PLPPR1: variants seen among roughly 807,000 people sequenced by gnomAD.
The protein encoded by PLPPR1 is phospholipid phosphatase-related protein type 1.
Under a neutral mutation model 33.1 loss-of-function variants are expected in PLPPR1, and 10 were observed. The observed-to-expected ratio is 0.30, with a 90% CI of 0.19 to 0.51. PLPPR1 has a LOEUF of 0.51. PLPPR1 is among the 20% of genes least tolerant of loss of function. The probability of loss-of-function intolerance (pLI) is 0.97; values close to 1 mark genes in which losing one functional copy is unlikely to be tolerated. For missense variants in PLPPR1, 304 were observed against 408.1 expected (o/e 0.74, Z 2.20); for synonymous variants, 151 against 151.0 (o/e 1.00, Z 0.00).
intron 3 of PLPPR1, among the ~76,000 whole-genome samples, chr9:101,272,876 A>G (rs912322929): frequency 2.0e-5 from 3 of 152,202 alleles, no homozygotes; most frequent in Non-Finnish European, 4.4e-5. Flanking sequence ...AAGATGTATT[A>G]AGAGCTTAAT....
At position 101,273,678 on chromosome 9, in the gene PLPPR1, G is replaced by T. The variant is rs972508829; in HGVS notation, c.252+3610G>T. 7.9e-5 allele frequency among the ~76,000 whole-genome samples: 12 copies of T among 152,256 alleles called. No individual in the cohort carries two copies. In the East Asian group the frequency reaches 2.3e-3, roughly 29 times the overall value. On this transcript the variant is annotated intron_variant, in intron 3 of 7. Transcript: ENST00000374874. ...TTTATAATTATAAAAGGAATAGAAAGAAAGTAAACATTTTCAACTATTATT... is the reference window on the plus strand; with the variant it reads ...TTTATAATTATAAAAGGAATAGAAATAAAGTAAACATTTTCAACTATTATT...
intron 1 of PLPPR1, among the ~76,000 whole-genome samples, chr9:101,091,879 C>T (rs1349016102): frequency 1.3e-5 from 2 of 152,226 alleles, no homozygotes; most frequent in African/African-American, 4.8e-5. Flanking sequence ...CATCAACTCT[C>T]ACTTGAATTG....
At chr9:101,149,173 C>T (rs193100818) in intron 1 of PLPPR1, among the ~76,000 whole-genome samples, 1 of 152,118 alleles carries the variant, frequency 6.6e-6, no homozygotes, top group Admixed American at 6.5e-5. Context: ...TGGGAAAACA[C>T]TGTTATCAGA....
intron 2 of PLPPR1, among the ~76,000 whole-genome samples, chr9:101,251,154 GC>G (rs1827706323): frequency 6.6e-6 from 1 of 151,952 alleles, no homozygotes; most frequent in Non-Finnish European, 1.5e-5. Flanking sequence ...TAAACCGATA[GC>G]CCCCAAATTT....
intron 2 of PLPPR1, among the ~76,000 whole-genome samples, chr9:101,259,027 TAA>T (rs373726933): frequency 1.2e-3 from 188 of 152,312 alleles, no homozygotes; most frequent in African/African-American, 4.3e-3. Flanking sequence ...CAATTTAGTT[TAA>T]GTTATACCAA....
At chr9:101,311,446 CAACT>C (rs1210118190) in intron 5 of PLPPR1, among the ~76,000 whole-genome samples, 1 of 152,102 alleles carries the variant, frequency 6.6e-6, no homozygotes, top group African/African-American at 2.4e-5. Flanking sequence ...TGAAGAATAC[CAACT>C]AACCATAGGC....
intron 1 of PLPPR1, among the ~76,000 whole-genome samples, chr9:101,123,928 C>T (rs1287238071): frequency 6.6e-6 from 1 of 152,144 alleles, no homozygotes; most frequent in Non-Finnish European, 1.5e-5. Context: ...CCCTGGACCT[C>T]AGACATGTTC....
intron 1 of PLPPR1, among the ~76,000 whole-genome samples, chr9:101,158,787 A>C (rs1478258946): frequency 6.6e-6 from 1 of 152,196 alleles, no homozygotes; most frequent in Admixed American, 6.5e-5. Flanking sequence ...TGCTTCAGGA[A>C]AATAGCTCCA....
At chr9:101,068,633 A>T (rs1043990076) in intron 1 of PLPPR1, among the ~76,000 whole-genome samples, 2 of 152,024 alleles carry the variant, frequency 1.3e-5, no homozygotes, top group African/African-American at 4.8e-5. Context: ...AGTATAAATT[A>T]AAACCTAGCC....
At chr9:101,046,695 G>A (rs533721956) in intron 1 of PLPPR1, among the ~76,000 whole-genome samples, 10 of 151,822 alleles carry the variant, frequency 6.6e-5, no homozygotes, top group South Asian at 2.1e-4. Context: ...CACCTGCCTC[G>A]GCCTCCCAAA....
chr9:101,082,745 G>A (rs1830636384), intron 1 of PLPPR1, among the ~76,000 whole-genome samples: 1 of 152,176 alleles, frequency 6.6e-6, no homozygotes, highest in South Asian at 2.1e-4. Context: ...AAGATCATGG[G>A]CTTTGGGGAG....
chr9:101,094,025 G>GCAT (rs532080870), intron 1 of PLPPR1, among the ~76,000 whole-genome samples: 13 of 152,146 alleles, frequency 8.5e-5, no homozygotes, highest in Middle Eastern at 3.4e-3. Context: ...TTTATCCAGG[G>GCAT]CATCATCATC....
intron 5 of PLPPR1, 77 bp from the exon 6 acceptor site, chr9:101,312,721 T>G: frequency 1.7e-5 from 21 of 1,213,218 alleles, no homozygotes; most frequent in Non-Finnish European, 2.5e-5. Flanking sequence ...TGCTGGTGTA[T>G]GTACCTGCTT....
chr9:101,217,231 A>C (rs1320917157), intron 2 of PLPPR1, among the ~76,000 whole-genome samples: 2 of 152,224 alleles, frequency 1.3e-5, no homozygotes, highest in African/African-American at 4.8e-5. Context: ...ACATTAAAAA[A>C]AATCACTGCC....
At chr9:101,079,420 T>C (rs1588019320) in intron 1 of PLPPR1, among the ~76,000 whole-genome samples, 1 of 152,300 alleles carries the variant, frequency 6.6e-6, no homozygotes, top group East Asian at 1.9e-4. Flanking sequence ...GTTTTGTTGT[T>C]GTTGTTGTGT....
At chr9:101,037,842 C>G (rs184684248) in intron 1 of PLPPR1, among the ~76,000 whole-genome samples, 15 of 135,250 alleles carry the variant, frequency 1.1e-4, no homozygotes, top group Middle Eastern at 4.1e-3. Context: ...TTGAGACAGT[C>G]TTTTGGGTCT....
intron 4 of PLPPR1, among the ~76,000 whole-genome samples, chr9:101,292,167 A>G (rs576096776): frequency 1.2e-4 from 19 of 152,334 alleles, no homozygotes; most frequent in South Asian, 4.1e-4. Flanking sequence ...GAGCCGACGC[A>G]ATCAACTGGA....
At chr9:101,267,466 T>C (rs1263401485) in intron 2 of PLPPR1, among the ~76,000 whole-genome samples, 2 of 152,062 alleles carry the variant, frequency 1.3e-5, no homozygotes, top group African/African-American at 4.8e-5. Context: ...ACTCCAAGCA[T>C]GGAAAAACAC....
chr9:101,211,559 G>A (rs920673566), intron 2 of PLPPR1, among the ~76,000 whole-genome samples: 2 of 152,104 alleles, frequency 1.3e-5, no homozygotes, highest in African/African-American at 4.8e-5. Flanking sequence ...CTATAAATGA[G>A]CTAATTACTC....
Sources: gnomAD v4.1 joint callset for allele counts (sites outside exome capture counted in the v4.1 genomes callset) on GRCh38, gnomAD v4.1.1 for gene constraint, MANE v1.5 for transcripts, NCBI Gene and HGNC (gene_info 2026-07-23, HGNC 2026-07-21) for gene names.